Variants in QKI observed in about 807,000 individuals in gnomAD.
QKI encodes the protein QKI, KH domain containing RNA binding, also known as KH domain-containing RNA-binding protein QKI.
In QKI, 10 loss-of-function variants were observed where a neutral mutation model predicts 39.0. That is an observed-to-expected ratio of 0.26 (90% CI 0.16 to 0.43). The LOEUF (loss-of-function observed/expected upper bound fraction) is 0.43, where lower values mean the gene tolerates loss of function less well. QKI is among the 20% of genes least tolerant of loss of function. The pLI is 1.00. For missense variants in QKI, 218 were observed against 428.0 expected (o/e 0.51, Z 4.33); for synonymous variants, 204 against 155.4 (o/e 1.31, Z -2.33).
chr6:163,566,791 C>A lies in QKI; in HGVS notation c.1005C>A (p.Asp335Glu). The A allele has an allele frequency of 1.2e-6, 2 of 1,613,648 alleles. No homozygotes were observed. The highest frequency in any genetic ancestry group is 1.7e-6 in the Non-Finnish European group (2 of 1,179,774). ...CTTACCAAAGGATTGTGACCGCAGA[C>A]CGAGGTTAGTTTAGTTCTGCAGTTC... ...VHPYQRIVTADRAATGN is the reference protein window; with the variant it reads ...VHPYQRIVTAERAATGN Residue 335 changes from aspartate (D) to glutamate (E), a missense_variant, in exon 7 of 8, where the codon GAC becomes GAA. This residue lies in a region of QKI where 117 missense variants were observed against 186.0 expected (regional missense o/e 0.63). Coordinates refer to ENST00000361752, the MANE Select transcript of QKI (RefSeq NM_006775.3).
chr6:163,531,911 A>G (rs1008722441), intron 3 of QKI, among the ~76,000 whole-genome samples: 3 of 152,202 alleles, frequency 2.0e-5, no homozygotes, highest in Non-Finnish European at 4.4e-5. Flanking sequence ...TTGCTCCTTC[A>G]ATTGTTTTTA....
chr6:163,472,659 T>C (rs545734279), intron 2 of QKI, among the ~76,000 whole-genome samples: 1 of 152,302 alleles, frequency 6.6e-6, no homozygotes, highest in African/African-American at 2.4e-5. Flanking sequence ...GAACAAATAT[T>C]AAGGATGGCT....
Position 163,573,382 on chromosome 6 carries a change from A to G in QKI, c.*2672A>G, listed in dbSNP as rs141490012. ...GTACAGCTGACATGTATTTTTGTCT[A>G]TTCTTTATTATCTTAGTTTCATGCT... On this transcript the variant is annotated 3_prime_UTR_variant, in exon 8 of 8. Transcript: ENST00000361752. The G allele has an allele frequency of 6.6e-5, 10 of 152,156 alleles. No individual in the cohort carries two copies. The highest frequency in any genetic ancestry group is 3.9e-4 in the East Asian group (2 of 5,190). 9.4% of individuals were successfully genotyped at this position (152,156 alleles called of 1,614,324 possible).
At chr6:163,566,480 A>G (rs1783368127) in intron 6 of QKI, 1 of 1,334,542 alleles carries the variant, frequency 7.5e-7, no homozygotes, top group South Asian at 1.6e-5. Context: ...TAACTTGGGG[A>G]TTGTAAATGA....
intron 3 of QKI, among the ~76,000 whole-genome samples, chr6:163,523,025 T>G (rs1369123164): frequency 3.3e-5 from 5 of 152,210 alleles, no homozygotes; most frequent in Non-Finnish European, 7.3e-5. Context: ...GTGCTGTTGT[T>G]CTCTTACATT....
Position 163,435,179 on chromosome 6 carries a change from T to G in QKI, c.142+19844T>G, listed in dbSNP as rs577573976. ...CATGACATTTCTATAGAATTTAGTT[T>G]CTGTAAGTTACGCAATTGTTACAGG... On this transcript the variant is annotated intron_variant, in intron 1 of 7. Coordinates refer to ENST00000361752, the MANE Select transcript of QKI (RefSeq NM_006775.3). Among the ~76,000 whole-genome samples, 7 of 152,346 alleles carry G rather than the reference T, an allele frequency of 4.6e-5. No homozygotes were observed. The South Asian group carries it at 1.5e-3, about 32-fold the overall frequency.
intron 3 of QKI, among the ~76,000 whole-genome samples, chr6:163,504,290 G>C (rs1197649502): frequency 6.6e-6 from 1 of 152,088 alleles, no homozygotes; most frequent in Non-Finnish European, 1.5e-5. Flanking sequence ...GTTGGGTAAT[G>C]TGATACCTCT....
At chr6:163,529,519 A>G (rs1427996908) in intron 3 of QKI, among the ~76,000 whole-genome samples, 1 of 152,186 alleles carries the variant, frequency 6.6e-6, no homozygotes, top group African/African-American at 2.4e-5. Context: ...CTAAGTTACT[A>G]TATAATACAG....
chr6:163,438,736 G>T (rs1231815677), intron 1 of QKI, among the ~76,000 whole-genome samples: 1 of 152,092 alleles, frequency 6.6e-6, no homozygotes, highest in Non-Finnish European at 1.5e-5. Flanking sequence ...CGGTGAGTCA[G>T]TGAGTGAGTG....
intron 7 of QKI, chr6:163,567,463 A>G (rs887987971): frequency 3.0e-6 from 3 of 984,960 alleles, no homozygotes; most frequent in African/African-American, 3.5e-5. Context: ...GCTAAAATAT[A>G]TTATCTGAAG....
intron 4 of QKI, among the ~76,000 whole-genome samples, chr6:163,555,265 A>G (rs1782512382): frequency 6.6e-6 from 1 of 152,204 alleles, no homozygotes; most frequent in African/African-American, 2.4e-5. Context: ...TAGTTTATGG[A>G]TACAATTCAT....
intron 3 of QKI, among the ~76,000 whole-genome samples, chr6:163,507,130 T>G (rs1395612267): frequency 1.3e-5 from 2 of 152,170 alleles, no homozygotes; most frequent in African/African-American, 4.8e-5. Context: ...GAATACAGCC[T>G]AAAAGTTATG....
chr6:163,432,043 A>T (rs1314567696), intron 1 of QKI, among the ~76,000 whole-genome samples: 2 of 152,180 alleles, frequency 1.3e-5, no homozygotes, highest in Admixed American at 1.3e-4. Context: ...AACAAGTAAG[A>T]GTACCTTTGG....
In QKI at chr6:163,415,070, G is replaced by C. The variant is rs1787315348; in HGVS notation, c.-124G>C. ...GGGCTCGGCGCGGGAGCCAGAGCGG[G>C]AGCCGGCGCGGAGCGGGACGCCGGG... On this transcript the variant is annotated 5_prime_UTR_variant, in exon 1 of 8. Coordinates refer to ENST00000361752, the MANE Select transcript of QKI (RefSeq NM_006775.3). 1 of 892,672 alleles carries C rather than the reference G, an allele frequency of 1.1e-6. No homozygotes were observed. Among genetic ancestry groups the C allele is most frequent in the African/African-American group, 1.8e-5 (1 of 54,876 alleles). The allele number at this position is 892,672 out of a possible 1,614,324, so 55.3% of individuals were successfully genotyped here.
rs761968283 is a variant in QKI at position 163,570,742 on chromosome 6, C to A, written c.*32C>A. Reference sequence around the variant, plus strand: ...ACCTTCTGACCTCTGAACTCTTCACCCAATGATGACCTGACCATGCCTGCC... The same window carrying A: ...ACCTTCTGACCTCTGAACTCTTCACACAATGATGACCTGACCATGCCTGCC... On this transcript the variant is annotated 3_prime_UTR_variant, in exon 8 of 8. Transcript: ENST00000361752. 9.9e-6 allele frequency: 16 copies of A among 1,612,042 alleles called. No homozygotes were observed. In the South Asian group the frequency reaches 1.5e-4, roughly 16 times the overall value.
chr6:163,473,881 G>A (rs1471949850), intron 2 of QKI, among the ~76,000 whole-genome samples: 1 of 151,106 alleles, frequency 6.6e-6, no homozygotes, highest in Non-Finnish European at 1.5e-5. Flanking sequence ...TTATGAGAAA[G>A]AAAAATTGTG....
At chr6:163,458,383 CTA>C (rs1791090528) in intron 2 of QKI, among the ~76,000 whole-genome samples, 2 of 152,080 alleles carry the variant, frequency 1.3e-5, no homozygotes, top group African/African-American at 4.8e-5. Flanking sequence ...GTCACAAGCT[CTA>C]TGAGGGCAGG....
intron 7 of QKI, 103 bp downstream of exon 7, chr6:163,566,898 C>T: frequency 6.7e-7 from 1 of 1,493,352 alleles, no homozygotes; most frequent in Non-Finnish European, 8.9e-7. Flanking sequence ...TACCTGCACA[C>T]AGTTTTTTTT....
intron 1 of QKI, among the ~76,000 whole-genome samples, chr6:163,432,709 C>T (rs1329007291): frequency 6.6e-6 from 1 of 151,720 alleles, no homozygotes; most frequent in Non-Finnish European, 1.5e-5. Context: ...TCTTTCCCCA[C>T]TTTGTTATAG....
Sources: gnomAD v4.1 joint callset for allele counts (sites outside exome capture counted in the v4.1 genomes callset) on GRCh38, gnomAD v4.1.1 for gene constraint, gnomAD v4.1.1 regional missense constraint, MANE v1.5 for transcripts, NCBI Gene and HGNC (gene_info 2026-07-23, HGNC 2026-07-21) for gene names.